Variants in MDGA1 observed in about 807,000 individuals in gnomAD.
The protein encoded by MDGA1 is MAM domain-containing glycosylphosphatidylinositol anchor protein 1.
Under a neutral mutation model 101.5 loss-of-function variants are expected in MDGA1, and 54 were observed. The ratio of observed to expected loss-of-function variants is 0.53; its 90% CI spans 0.43 to 0.67. The LOEUF (loss-of-function observed/expected upper bound fraction) is 0.67. Among genes scored for constraint, MDGA1 ranks in the 30% least tolerant of loss-of-function variants. The probability of loss-of-function intolerance (pLI) is 0.00; values close to 1 mark genes in which losing one functional copy is unlikely to be tolerated. For synonymous variants in MDGA1, 533 were observed against 558.3 expected, an observed-to-expected ratio of 0.95 and a Z score of 0.64; for missense variants, 1,083 against 1,323.8, an observed-to-expected ratio of 0.82 and a Z score of 2.82.
chr6:37,647,875 C>G (rs1269801069), intron 9 of MDGA1, among the ~76,000 whole-genome samples: 1 of 152,052 alleles, frequency 6.6e-6, no homozygotes, highest in African/African-American at 2.4e-5. Flanking sequence ...TATCCCCCTG[C>G]TGTTGAGTGA....
chr6:37,660,799 AT>A (rs1331058038), intron 2 of MDGA1, among the ~76,000 whole-genome samples: 1 of 152,096 alleles, frequency 6.6e-6, no homozygotes, highest in African/African-American at 2.4e-5. Context: ...ATATTTTAAA[AT>A]TTTACTCCAC....
intron 1 of MDGA1, among the ~76,000 whole-genome samples, chr6:37,669,536 C>A (rs942444302): frequency 6.6e-6 from 1 of 152,122 alleles, no homozygotes; most frequent in Admixed American, 6.6e-5. Context: ...TTGCTCATCA[C>A]CCCCCACTGA....
intron 11 of MDGA1, 26 bp from the exon 12 acceptor site, chr6:37,645,982 GT>G (rs1229878443): frequency 6.2e-7 from 1 of 1,613,976 alleles, no homozygotes; most frequent in East Asian, 2.2e-5. Flanking sequence ...GGGAAACCAA[GT>G]CAGAACTGAG....
intron 8 of MDGA1, among the ~76,000 whole-genome samples, chr6:37,649,518 T>G (rs1581854164): frequency 6.6e-6 from 1 of 152,250 alleles, no homozygotes; most frequent in East Asian, 1.9e-4. Context: ...ACGCCCTAAG[T>G]GGGCCCCTCA....
intron 12 of MDGA1, among the ~76,000 whole-genome samples, chr6:37,645,442 G>A (rs1182385403): frequency 6.6e-6 from 1 of 152,148 alleles, no homozygotes; most frequent in Admixed American, 6.5e-5. Context: ...GCTGAGGCAG[G>A]AGAATCACTT....
At position 37,696,664 on chromosome 6, in the gene MDGA1, C is replaced by T; in HGVS notation, c.67+81G>A. 7.2e-6 allele frequency: 10 copies of T among 1,391,992 alleles called. No individual in the cohort carries two copies. Among genetic ancestry groups the T allele is most frequent in the South Asian group, 1.2e-5 (1 of 80,596 alleles). 86.2% of individuals were successfully genotyped at this position (1,391,992 alleles called of 1,614,324 possible). A position where few individuals can be genotyped will look rare whatever the true frequency, so the allele number is the denominator to read the frequency against. On this transcript the variant is annotated intron_variant, in intron 1 of 16. Coordinates refer to ENST00000434837, the MANE Select transcript of MDGA1 (RefSeq NM_153487.4). The surrounding 1 kb of genome is among the most constrained non-coding windows in gnomAD (Gnocchi z 5.6). ...AGTCCGAGTCGAGGTCTCCACCAAA[C>T]CCCGGCAGCGCGCACTTTGCGCCTC...
At chr6:37,683,830 A>G (rs559206878) in intron 1 of MDGA1, among the ~76,000 whole-genome samples, 4 of 152,170 alleles carry the variant, frequency 2.6e-5, no homozygotes, top group Admixed American at 6.5e-5. Flanking sequence ...TTACCTCCCA[A>G]ATAATTACAG....
Position 37,658,314 on chromosome 6 carries a change from G to A in MDGA1, c.313C>T (p.Arg105Cys). ...IERIARTQGG[R>C]YYCKAENGVG... Reference sequence around the variant, plus strand: ...CCGTTCTCAGCCTTGCAGTAGTAGCGGCCGCCCTGCGTGCGTGCAATACGC... The same window carrying A: ...CCGTTCTCAGCCTTGCAGTAGTAGCAGCCGCCCTGCGTGCGTGCAATACGC... The change falls in exon 3 of 17, where the codon CGC becomes TGC. Residue 105 changes from arginine (R) to cysteine (C), a missense_variant. Around this residue, in one of 3 missense-constraint regions of MDGA1, gnomAD observed 310 missense variants for 355.9 expected, o/e 0.87. Transcript: ENST00000434837. The A allele has an allele frequency of 3.7e-6, 6 of 1,612,514 alleles. No individual in the cohort carries two copies. Among genetic ancestry groups the A allele is most frequent in the Non-Finnish European group, 5.1e-6 (6 of 1,179,522 alleles).
Position 37,696,907 on chromosome 6 carries a change from C to A in MDGA1, c.-96G>T, listed in dbSNP as rs1051726114. The A allele has an allele frequency of 1.6e-5, 16 of 1,004,176 alleles. No individual in the cohort carries two copies. The Admixed American group carries it at 1.8e-4, about 11-fold the overall frequency. The allele number at this position is 1,004,176 out of a possible 1,614,324, so 62.2% of individuals were successfully genotyped here. A position where few individuals can be genotyped will look rare whatever the true frequency, so the allele number is the denominator to read the frequency against. On this transcript the variant is annotated 5_prime_UTR_variant, in exon 1 of 17. Coordinates refer to ENST00000434837, the MANE Select transcript of MDGA1 (RefSeq NM_153487.4). The surrounding 1 kb of genome is among the most constrained non-coding windows in gnomAD (Gnocchi z 5.6). ...GCCCCGCGACGCCCCTATGTCCCCC[C>A]CTTTCCCTGAGAGGTGAGAGAGAGA...
intron 1 of MDGA1, among the ~76,000 whole-genome samples, chr6:37,692,528 C>T (rs1762332311): frequency 6.6e-6 from 1 of 152,088 alleles, no homozygotes; most frequent in Non-Finnish European, 1.5e-5. Flanking sequence ...CAGGCCCTCC[C>T]CCATGCCTCC....
rs998975801 is a variant in MDGA1 at position 37,655,426 on chromosome 6, A to T, written c.579+274T>A. 3 of 394,514 alleles carry T rather than the reference A, an allele frequency of 7.6e-6. No homozygotes were observed. Among genetic ancestry groups the T allele is most frequent in the Non-Finnish European group, 1.4e-5 (3 of 220,134 alleles). 24.4% of individuals were successfully genotyped at this position (394,514 alleles called of 1,614,324 possible). A position where few individuals can be genotyped will look rare whatever the true frequency, so the allele number is the denominator to read the frequency against. ...CTCTGCCACCCAGCAGCAGACTGGGATGACCTGTCTGCCCCTAGGGGTGCC... is the reference window on the plus strand; with the variant it reads ...CTCTGCCACCCAGCAGCAGACTGGGTTGACCTGTCTGCCCCTAGGGGTGCC... On this transcript the variant is annotated intron_variant, in intron 4 of 16. Coordinates refer to ENST00000434837, the MANE Select transcript of MDGA1 (RefSeq NM_153487.4). The surrounding 1 kb of genome is among the most constrained non-coding windows in gnomAD (Gnocchi z 5.1).
At chr6:37,649,870 ATT>A in intron 8 of MDGA1, 3 of 635,290 alleles carry the variant, frequency 4.7e-6, no homozygotes, top group Non-Finnish European at 5.7e-6. Flanking sequence ...AAATCAAGTA[ATT>A]TTTTTTTTGT....
At position 37,646,759 on chromosome 6, in the gene MDGA1, G is replaced by T. The variant is rs929604306; in HGVS notation, c.2047-384C>A. Among the ~76,000 whole-genome samples, 34 of 152,128 alleles carry T rather than the reference G, an allele frequency of 2.2e-4. 1 individual carries two copies. Among genetic ancestry groups the T allele is most frequent in the Non-Finnish European group, 2.9e-5 (2 of 68,028 alleles). On this transcript the variant is annotated intron_variant, in intron 10 of 16. Coordinates refer to ENST00000434837, the MANE Select transcript of MDGA1 (RefSeq NM_153487.4). ...CTCTTGGGCTGAGCAGAAGCACATG[G>T]AATCAGACTGGGCACGAGAACAACA...
intron 14 of MDGA1, among the ~76,000 whole-genome samples, chr6:37,642,569 G>C (rs916038442): frequency 6.6e-6 from 1 of 152,150 alleles, no homozygotes; most frequent in Non-Finnish European, 1.5e-5. Flanking sequence ...ATGGGAGGGC[G>C]TCTGCATTAT....
At chr6:37,693,214 G>T (rs1762350304) in intron 1 of MDGA1, among the ~76,000 whole-genome samples, 1 of 152,110 alleles carries the variant, frequency 6.6e-6, no homozygotes, top group African/African-American at 2.4e-5. Context: ...CAAGGCATGG[G>T]GTAGGAACTC....
rs1287371858 is a variant in MDGA1, at chr6:37,647,291, G to T, written c.1928C>A (p.Thr643Asn). 2 of 1,553,746 alleles carry T rather than the reference G, an allele frequency of 1.3e-6. No individual in the cohort carries two copies. The highest frequency in any genetic ancestry group is 2.0e-5 in the Admixed American group (1 of 51,068). ...CTTGTGGCTGCGGGTGGGGTTGGGG[G>T]TGTCGAAGTAAAACTCCGGGCTGTA... ...KAYSPEFYFD[T>N]PNPTRSHKLS... The change falls in exon 10 of 17, where the codon ACC becomes AAC. Residue 643 changes from threonine to asparagine, a missense_variant. Transcript: ENST00000434837.
rs776789158 is a variant in MDGA1, at chr6:37,646,185, C to G, written c.2224+13G>C. 1.3e-6 allele frequency: 2 copies of G among 1,567,556 alleles called. No homozygotes were observed. Among genetic ancestry groups the G allele is most frequent in the Non-Finnish European group, 1.7e-6 (2 of 1,153,064 alleles). ...ATGGGCCCATCCTTCCTACCGCCAC[C>G]ACTGTCACCTACGCTCTGTGTAGTG... is the stretch of plus-strand genomic sequence containing the variant. On this transcript the variant is annotated intron_variant, in intron 11 of 16. Transcript: ENST00000434837.
intron 1 of MDGA1, among the ~76,000 whole-genome samples, chr6:37,690,010 T>A (rs1762275761): frequency 1.3e-5 from 2 of 152,154 alleles, no homozygotes; most frequent in African/African-American, 4.8e-5. Context: ...AAATCCAGAA[T>A]CCTTTCATAG....
chr6:37,684,954 T>C (rs7760531), intron 1 of MDGA1, among the ~76,000 whole-genome samples: 65,794 of 151,914 alleles, frequency 0.43, 14,887 homozygotes, highest in African/African-American at 0.55. Flanking sequence ...CATCTCTATC[T>C]GCCCAGTATC....
Sources: allele counts gnomAD v4.1 joint callset (sites outside exome capture counted in the v4.1 genomes callset), GRCh38; gene constraint gnomAD v4.1.1; regional missense constraint gnomAD v4.1.1; non-coding constraint Gnocchi (gnomAD v3.1); transcripts MANE v1.5; gene names NCBI Gene and HGNC (gene_info 2026-07-23, HGNC 2026-07-21).